The following MAP1S variants were observed in gnomAD, a reference collection of about 807,000 sequenced individuals.
MAP1S encodes microtubule-associated protein 1S.
A neutral mutation model predicts 60.9 loss-of-function variants in MAP1S; 27 were observed. The ratio of observed to expected loss-of-function variants is 0.44; its 90% CI spans 0.33 to 0.61. MAP1S has a LOEUF of 0.61. Ranked by LOEUF, MAP1S falls within the 20% of genes least tolerant of loss-of-function variation. MAP1S has a pLI of 0.03. For synonymous variants in MAP1S, 826 were observed against 694.2 expected, an observed-to-expected ratio of 1.19 and a Z score of -2.98; for missense variants, 1,608 against 1,486.6, an observed-to-expected ratio of 1.08 and a Z score of -1.34.
intron 5 of MAP1S, 52 bp from the exon 6 acceptor site, chr19:17,733,141 C>T: frequency 3.9e-6 from 5 of 1,281,482 alleles, no homozygotes; most frequent in Non-Finnish European, 4.3e-6. Flanking sequence ...GAGCCTCGGC[C>T]CCTCCCCAGC....
intron 5 of MAP1S, 110 bp downstream of exon 5, chr19:17,728,282 ACTCTGT>A (rs1568295283): frequency 8.2e-7 from 1 of 1,226,104 alleles, no homozygotes; most frequent in South Asian, 1.7e-5. Context: ...AGATGGTCTC[ACTCTGT>A]CTCTGAGCTG....
At chr19:17,729,812 G>A (rs957500276) in intron 5 of MAP1S, among the ~76,000 whole-genome samples, 20 of 151,944 alleles carry the variant, frequency 1.3e-4, no homozygotes, top group African/African-American at 3.9e-4. Flanking sequence ...ACAGGCATGC[G>A]CAACCATGCC....
Position 17,728,163 on chromosome 19 carries a change from G to A in MAP1S, c.2779G>A (p.Gly927Ser). Residue 927 changes from glycine to serine, a missense_variant, in exon 5 of 7, where the codon GGC (glycine) becomes AGC (serine). Gly to Ser is a moderately conservative substitution (Grantham distance 56). Coordinates refer to ENST00000324096, the MANE Select transcript of MAP1S (RefSeq NM_018174.6). ...CTCAACCCCCAAGACTGCCACTCGA[G>A]GCCCGTCGGGTGAGTACTGGAGCTG... ...KSSTPKTATR[G>S]PSGSASSRPG... 1 of 1,589,458 alleles carries A rather than the reference G, an allele frequency of 6.3e-7. No homozygotes were observed. The highest frequency in any genetic ancestry group is 1.7e-5 in the Admixed American group (1 of 58,126).
chr19:17,725,058 C>T lies in MAP1S; in HGVS notation c.313C>T (p.Leu105Phe), dbSNP rs769083597. 3.7e-6 allele frequency: 6 copies of T among 1,614,056 alleles called. No homozygotes were observed. The African/African-American group carries it at 4.0e-5, about 11-fold the overall frequency. Reference protein sequence around the residue: ...DKSLYDELRNLLLDPASHKLL... With the variant: ...DKSLYDELRNFLLDPASHKLL... ...TCACCCCCTCCCTCAGCTCCGGAACCTTCTGTTGGACCCTGCCTCTCACAA... is the reference window on the plus strand; with the variant it reads ...TCACCCCCTCCCTCAGCTCCGGAACTTTCTGTTGGACCCTGCCTCTCACAA... The change falls in exon 4 of 7, where the codon CTT becomes TTT. Residue 105 changes from leucine to phenylalanine, a missense_variant. Physicochemically the swap from Leu to Phe is conservative, Grantham distance 22 (BLOSUM62 0). Transcript: ENST00000324096. The surrounding 1 kb of genome is among the most constrained non-coding windows in gnomAD (Gnocchi z 4.2).
intron 1 of MAP1S, chr19:17,720,661 G>A: frequency 2.8e-6 from 2 of 703,756 alleles, no homozygotes; most frequent in Non-Finnish European, 4.6e-6. Flanking sequence ...AGTGGAAACG[G>A]GTCTGGCAGG....
At chr19:17,732,597 T>C (rs769149180) in intron 5 of MAP1S, among the ~76,000 whole-genome samples, 10 of 152,142 alleles carry the variant, frequency 6.6e-5, no homozygotes, top group Non-Finnish European at 1.5e-4. Flanking sequence ...CCCATCACCC[T>C]TGGGGCAGGG....
intron 3 of MAP1S, 57 bp downstream of exon 3, chr19:17,724,265 G>A: frequency 7.2e-7 from 1 of 1,393,652 alleles, no homozygotes. Context: ...TGCCTTCTCT[G>A]TCTTCCTGTC....
chr19:17,730,505 G>A (rs900576834), intron 5 of MAP1S, among the ~76,000 whole-genome samples: 9 of 152,138 alleles, frequency 5.9e-5, no homozygotes, highest in East Asian at 1.9e-4. Context: ...TTGTAGAGAT[G>A]GAGTCTCACT....
rs867418651 is a variant in MAP1S at position 17,719,694 on chromosome 19, G to A, written c.118+74G>A. On this transcript the variant is annotated intron_variant, in intron 1 of 6. Transcript: ENST00000324096. ...GCGCGTCTGGGCCCGGGGCCGGCGG[G>A]GTGGGGCGGCGGCGGCGGCGGCGGC... 5,861 of 781,082 alleles carry A rather than the reference G, an allele frequency of 7.5e-3. 289 individuals carry two copies. In the African/African-American group the frequency reaches 0.12, roughly 17 times the overall value. The allele number at this position is 781,082 out of a possible 1,614,324, so 48.4% of individuals were successfully genotyped here.
chr19:17,734,029 G>A (rs1008516927), intron 6 of MAP1S, among the ~76,000 whole-genome samples: 2 of 152,220 alleles, frequency 1.3e-5, no homozygotes, highest in African/African-American at 4.8e-5. Context: ...GCCTTGCAGA[G>A]GAGGAGCTCC....
Position 17,726,621 on chromosome 19 carries a change from T to TGCGCCCTGCTGGTGTG in MAP1S, c.1240_1255dup (p.His419ArgfsTer80). The TGCGCCCTGCTGGTGTG allele has an allele frequency of 1.3e-6, 2 of 1,571,822 alleles. No individual in the cohort carries two copies. Among genetic ancestry groups the TGCGCCCTGCTGGTGTG allele is most frequent in the Non-Finnish European group, 1.7e-6 (2 of 1,163,038 alleles). On this transcript the variant is annotated frameshift_variant, in exon 5 of 7. Coordinates refer to ENST00000324096, the MANE Select transcript of MAP1S (RefSeq NM_018174.6). LOFTEE classifies it high-confidence loss of function. Reference sequence around the variant, plus strand: ...CGCCGAGCGCACGCTGGCCTCTGTGTGCGCCCTGCTGGTGTGGCACCCCGC... The same window carrying TGCGCCCTGCTGGTGTG: ...CGCCGAGCGCACGCTGGCCTCTGTGTGCGCCCTGCTGGTGTGGCGCCCTGCTGGTGTGGCACCCCGC...
intron 2 of MAP1S, among the ~76,000 whole-genome samples, chr19:17,723,827 C>T (rs530444640): frequency 4.6e-5 from 7 of 152,302 alleles, no homozygotes; most frequent in Admixed American, 1.3e-4. Flanking sequence ...TGCCCTCCAG[C>T]CTGGGCGACA....
intron 5 of MAP1S, chr19:17,732,922 T>C (rs2080504288): frequency 4.3e-6 from 2 of 463,588 alleles, no homozygotes; most frequent in South Asian, 4.0e-5. Flanking sequence ...CGTGGTGACA[T>C]GCACCTGTAG....
chr19:17,732,909 AG>A (rs1320420163), intron 5 of MAP1S: 1 of 429,672 alleles, frequency 2.3e-6, no homozygotes, highest in East Asian at 3.8e-5. Flanking sequence ...ACTGGAGTCA[AG>A]GCGTGGTGAC....
chr19:17,728,131 G>T lies in MAP1S; in HGVS notation c.2747G>T (p.Arg916Ile). The change falls in exon 5 of 7, where the codon AGA becomes ATA. Residue 916 changes from arginine to isoleucine, a missense_variant. This residue lies in a region of MAP1S where 1,167 missense variants were observed against 961.4 expected (regional missense o/e 1.21). Transcript: ENST00000324096. Reference protein sequence around the residue: ...SEKGGRAPLSRKSSTPKTATR... With the variant: ...SEKGGRAPLSIKSSTPKTATR... ...AAGGGAGGCCGGGCACCCCTGTCCA[G>T]AAAGTCCTCAACCCCCAAGACTGCC... 3 of 1,609,274 alleles carry T rather than the reference G, an allele frequency of 1.9e-6. No homozygotes were observed. The highest frequency in any genetic ancestry group is 1.7e-4 in the Middle Eastern group (1 of 6,040).
At chr19:17,720,529 G>C in intron 1 of MAP1S, 1 of 1,485,346 alleles carries the variant, frequency 6.7e-7, no homozygotes, top group South Asian at 1.3e-5. Context: ...GGGACTGAGA[G>C]GACAGTCAGT....
chr19:17,729,453 G>C (rs1378689114), intron 5 of MAP1S, among the ~76,000 whole-genome samples: 1 of 152,130 alleles, frequency 6.6e-6, no homozygotes, highest in Non-Finnish European at 1.5e-5. Flanking sequence ...CCAGCCAAAG[G>C]CTCACATTTT....
chr19:17,724,985 A>G, intron 3 of MAP1S, 64 bp from the exon 4 acceptor site: 2 of 1,610,116 alleles, frequency 1.2e-6, no homozygotes, highest in Non-Finnish European at 8.5e-7. Flanking sequence ...AGGCTACCCC[A>G]AAGAGGACTG....
In MAP1S at chr19:17,726,680, C is replaced by T. The variant is rs767126034; in HGVS notation, c.1296C>T (p.Phe432=). 8 of 1,584,870 alleles carry T rather than the reference C, an allele frequency of 5.0e-6. No individual in the cohort carries two copies. The highest frequency in any genetic ancestry group is 2.3e-5 in the East Asian group (1 of 43,264). The change falls in exon 5 of 7, where the codon TTC becomes TTT. Residue 432 remains phenylalanine, a synonymous_variant. Transcript: ENST00000324096. Reference sequence around the variant, plus strand: ...GCGAGAAGGTGGTGCGCGTGCTGTTCCCCGGTTGCACCCCGCCCGCCTGCC... The same window carrying T: ...GCGAGAAGGTGGTGCGCGTGCTGTTTCCCGGTTGCACCCCGCCCGCCTGCC... ...GPGEKVVRVL[F]PGCTPPACLL... is the part of the protein sequence containing the mutation.
Sources: gnomAD v4.1 joint callset for allele counts (sites outside exome capture counted in the v4.1 genomes callset) on GRCh38, gnomAD v4.1.1 for gene constraint, gnomAD v4.1.1 regional missense constraint, Gnocchi (gnomAD v3.1) non-coding constraint, MANE v1.5 for transcripts, NCBI Gene and HGNC (gene_info 2026-07-23, HGNC 2026-07-21) for gene names.